TPM4: variants seen among roughly 807,000 people sequenced by gnomAD.
TPM4 encodes tropomyosin 4, also known as tropomyosin alpha-4 chain.
Under a neutral mutation model 35.8 loss-of-function variants are expected in TPM4, and 17 were observed. The ratio of observed to expected loss-of-function variants is 0.47; its 90% CI spans 0.32 to 0.71. The LOEUF (loss-of-function observed/expected upper bound fraction) is 0.71. Among genes scored for constraint, TPM4 ranks in the 30% least tolerant of loss-of-function variants. The pLI, the probability that TPM4 is intolerant of heterozygous loss-of-function variation, is 0.03. For missense variants in TPM4, 240 were observed against 320.9 expected, an observed-to-expected ratio of 0.75 and a Z score of 1.93; for synonymous variants, 120 against 122.9, an observed-to-expected ratio of 0.98 and a Z score of 0.15.
intron 1 of TPM4, 76 bp from the exon 2 acceptor site, chr19:16,081,837 G>A: frequency 6.8e-7 from 1 of 1,478,126 alleles, no homozygotes; most frequent in South Asian, 1.4e-5. Flanking sequence ...GTTAACAGAG[G>A]GCAGGACATG....
chr19:16,085,132 A>G (rs1599372530), intron 2 of TPM4, among the ~76,000 whole-genome samples: 1 of 152,264 alleles, frequency 6.6e-6, no homozygotes, highest in Middle Eastern at 3.4e-3. Flanking sequence ...GCATGCTGGT[A>G]GTCCCAGCCA....
At position 16,071,353 on chromosome 19, in the gene TPM4, G is replaced by C. The variant is rs376042439; in HGVS notation, c.114+3615G>C. ...AGGTGCACACCTCCACGCCCAGCTA[G>C]TTATTTTATTTTTAGTAGAGACAGG... On this transcript the variant is annotated intron_variant, in intron 2 of 2. Transcript: ENST00000589897. Among the ~76,000 whole-genome samples the C allele has an allele frequency of 3.3e-3, 497 of 152,130 alleles. 2 individuals carry two copies. The highest frequency in any genetic ancestry group is 0.011 in the African/African-American group (458 of 41,482).
chr19:16,074,561 T>A (rs10426103), upstream of TPM4: 2 of 152,088 alleles, frequency 1.3e-5, no homozygotes, highest in Non-Finnish European at 2.9e-5. Flanking sequence ...CACATGGAGA[T>A]GAGGGCTTCA....
In TPM4 at chr19:16,070,705, G is replaced by A. The variant is rs981059351; in HGVS notation, c.114+2967G>A. Among the ~76,000 whole-genome samples, 1 of 152,204 alleles carries A rather than the reference G, an allele frequency of 6.6e-6. No homozygotes were observed. Among genetic ancestry groups the A allele is most frequent in the African/African-American group, 2.4e-5 (1 of 41,452 alleles). On this transcript the variant is annotated intron_variant, in intron 2 of 2. Transcript: ENST00000589897. The surrounding 1 kb of genome is among the most constrained non-coding windows in gnomAD (Gnocchi z 7.4). ...AGCTCAGAGTAAGCACTCAATAAAT[G>A]TAGGTTGATTTCCTGCCCCGCCCTA...
At chr19:16,083,034 A>G (rs1373481404) in intron 2 of TPM4, among the ~76,000 whole-genome samples, 2 of 141,966 alleles carry the variant, frequency 1.4e-5, no homozygotes, top group Admixed American at 7.2e-5. Context: ...TGTGGAGAGG[A>G]GGAAAGGAAA....
At chr19:16,073,368 T>G (rs536315129), upstream of TPM4, among the ~76,000 whole-genome samples, 1 of 152,174 alleles carries the variant, frequency 6.6e-6, no homozygotes, top group Non-Finnish European at 1.5e-5. Flanking sequence ...TAGGTCAGGG[T>G]TGACCTATGA....
chr19:16,087,922 T>C (rs2090577634), intron 3 of TPM4, 105 bp from the exon 4 acceptor site: 1 of 1,183,012 alleles, frequency 8.5e-7, no homozygotes, highest in Non-Finnish European at 1.2e-6. Flanking sequence ...ATGTTGCAGC[T>C]GGTCTAGGGG....
At position 16,088,982 on chromosome 19, in the gene TPM4, C is replaced by T. The variant is rs140114300; in HGVS notation, c.456-63C>T. ...TCCTTTGGAAAATTTATTGTTGGGG[C>T]GATTGCTATTATTGCCGGCTGTAAG... is the stretch of plus-strand genomic sequence containing the variant. On this transcript the variant is annotated intron_variant, in intron 4 of 7. Coordinates refer to ENST00000643579, the MANE Select transcript of TPM4 (RefSeq NM_003290.3). The T allele has an allele frequency of 6.0e-4, 971 of 1,607,962 alleles. 8 individuals carry two copies. The African/African-American group carries it at 9.9e-3, about 16-fold the overall frequency.
chr19:16,076,013 C>A, upstream of TPM4: 2 of 1,590,208 alleles, frequency 1.3e-6, no homozygotes, highest in Non-Finnish European at 1.7e-6. Context: ...ACCCCCCCCC[C>A]AGGCTGACCC....
At chr19:16,096,936 CTTTTTTT>C (rs71178641) in intron 7 of TPM4, among the ~76,000 whole-genome samples, 2,316 of 68,442 alleles carry the variant, frequency 0.034, 15 homozygotes, top group East Asian at 0.075. Context: ...CAAGGTCACT[CTTTTTTT>C]TTTTTTTTTT....
At chr19:16,096,511 A>G (rs1172970092) in intron 7 of TPM4, among the ~76,000 whole-genome samples, 1 of 152,238 alleles carries the variant, frequency 6.6e-6, no homozygotes, top group Non-Finnish European at 1.5e-5. Context: ...GGCTTGAGCT[A>G]CAGATTCAAA....
At chr19:16,069,355 GTGTGTA>G (rs2090329165) in intron 2 of TPM4, among the ~76,000 whole-genome samples, 1 of 152,142 alleles carries the variant, frequency 6.6e-6, no homozygotes. Flanking sequence ...GTTTCTATTG[GTGTGTA>G]TGTGTGTGGA....
intron 1 of TPM4, chr19:16,078,130 T>C: frequency 2.5e-6 from 1 of 398,644 alleles, no homozygotes. Flanking sequence ...GCAGGGGAGC[T>C]GACTCACTGA....
intron 7 of TPM4, among the ~76,000 whole-genome samples, chr19:16,096,970 T>C (rs942322875): frequency 7.5e-5 from 8 of 106,370 alleles, no homozygotes; most frequent in East Asian, 7.3e-4. Flanking sequence ...TTTTTTTTTT[T>C]CAAGACAGGG....
In TPM4 at chr19:16,081,997, G is replaced by T. The variant is rs767850205; in HGVS notation, c.217G>T (p.Ala73Ser). ...CAGGGCTCAGGAACGACTGGCCACG[G>T]CCCTGCAGAAGCTGGAGGAGGCAGA... ...LDRAQERLAT[A>S]LQKLEEAEKA... The change falls in exon 2 of 8, where the codon GCC becomes TCC. Residue 73 changes from alanine (A) to serine (S), a missense_variant. Ala to Ser is a moderately conservative substitution (Grantham distance 99). Coordinates refer to ENST00000643579, the MANE Select transcript of TPM4 (RefSeq NM_003290.3). 5 of 1,610,872 alleles carry T rather than the reference G, an allele frequency of 3.1e-6. 1 individual carries two copies. The South Asian group carries it at 5.5e-5, about 18-fold the overall frequency.
At chr19:16,069,157 C>T (rs1015762858) in intron 2 of TPM4, among the ~76,000 whole-genome samples, 6 of 152,038 alleles carry the variant, frequency 3.9e-5, no homozygotes, top group South Asian at 2.1e-4. Flanking sequence ...TGTGCACCCA[C>T]GCACATGTTT....
At chr19:16,076,281 G>A, upstream of TPM4, 1 of 1,519,746 alleles carries the variant, frequency 6.6e-7, no homozygotes, top group Non-Finnish European at 8.8e-7. Flanking sequence ...GGAGAAGGCG[G>A]CGCCTCCCAG....
intron 1 of TPM4, chr19:16,081,240 C>T: frequency 2.5e-6 from 1 of 395,264 alleles, no homozygotes; most frequent in East Asian, 3.6e-5. Flanking sequence ...CGTGGTAACA[C>T]TGTGTGCCTT....
chr19:16,075,330 A>T (rs1384486017), upstream of TPM4: 8 of 152,074 alleles, frequency 5.3e-5, no homozygotes, highest in African/African-American at 1.7e-4. Context: ...GAGGACTGAA[A>T]ATTTAGGGAA....
Sources: allele counts gnomAD v4.1 joint callset (sites outside exome capture counted in the v4.1 genomes callset), GRCh38; gene constraint gnomAD v4.1.1; non-coding constraint Gnocchi (gnomAD v3.1); transcripts MANE v1.5; gene names NCBI Gene and HGNC (gene_info 2026-07-23, HGNC 2026-07-21).